PIEZO2: variants seen among roughly 807,000 people sequenced by gnomAD.
The protein encoded by PIEZO2 is piezo type mechanosensitive ion channel component 2.
Under a neutral mutation model 337.3 loss-of-function variants are expected in PIEZO2, and 172 were observed. That is an observed-to-expected ratio of 0.51 (90% CI 0.45 to 0.58). The LOEUF is 0.58. Among genes scored for constraint, PIEZO2 ranks in the 20% least tolerant of loss-of-function variants. The probability of loss-of-function intolerance (pLI) is 0.00; values close to 1 mark genes in which losing one functional copy is unlikely to be tolerated. For missense variants in PIEZO2, 3,028 were observed against 3,391.3 expected, an observed-to-expected ratio of 0.89 and a Z score of 2.66; for synonymous variants, 1,251 against 1,228.5, an observed-to-expected ratio of 1.02 and a Z score of -0.38.
rs2032650696 is a variant in PIEZO2 at position 10,940,189 on chromosome 18, A to T, written c.287-28961T>A. Among the ~76,000 whole-genome samples, 2 of 152,208 alleles carry T rather than the reference A, an allele frequency of 1.3e-5. No individual in the cohort carries two copies. The highest frequency in any genetic ancestry group is 4.8e-5 in the African/African-American group (2 of 41,456). ...ACGAATTTGTTATTTATTAAAATAA[A>T]TGTTAAAGTGAGTGTTCATTGGTGA... is the stretch of plus-strand genomic sequence containing the variant. On this transcript the variant is annotated intron_variant, in intron 3 of 55. Transcript: ENST00000674853. The surrounding 1 kb of genome is among the most constrained non-coding windows in gnomAD (Gnocchi z 5.3).
chr18:10,953,335 A>C lies in PIEZO2; in HGVS notation c.286+26200T>G, dbSNP rs1055526016. Among the ~76,000 whole-genome samples the C allele has an allele frequency of 2.6e-5, 4 of 152,186 alleles. No homozygotes were observed. The highest frequency in any genetic ancestry group is 5.9e-5 in the Non-Finnish European group (4 of 68,038). Reference sequence around the variant, plus strand: ...TTGCCCTTCCCTAACCCAAGATTACAAACATTTTCTCCTATATTTTTTGCA... The same window carrying C: ...TTGCCCTTCCCTAACCCAAGATTACCAACATTTTCTCCTATATTTTTTGCA... On this transcript the variant is annotated intron_variant, in intron 3 of 55. Coordinates refer to ENST00000674853, the MANE Select transcript of PIEZO2 (RefSeq NM_001378183.1). The surrounding 1 kb of genome is among the most constrained non-coding windows in gnomAD (Gnocchi z 5.2).
chr18:10,812,348 A>C (rs1040118824), intron 7 of PIEZO2, among the ~76,000 whole-genome samples: 1 of 152,154 alleles, frequency 6.6e-6, no homozygotes, highest in Non-Finnish European at 1.5e-5. Flanking sequence ...GACACTAAGA[A>C]GGGAATAACG....
intron 3 of PIEZO2, among the ~76,000 whole-genome samples, chr18:10,972,805 A>T (rs955328832): frequency 6.6e-6 from 1 of 152,194 alleles, no homozygotes; most frequent in Non-Finnish European, 1.5e-5. Flanking sequence ...TTGGGCAAGA[A>T]TTAGGACTTC....
Position 10,761,070 on chromosome 18 carries a change from G to A in PIEZO2, c.3291C>T (p.Thr1097=). ...GATAGTATTCCTGATGGCGGTAAAT[G>A]GTGACTTCAAAGGCCAGGATAGCCA... is the stretch of plus-strand genomic sequence containing the variant. ...LMLAILAFEV[T]IYRHQEYYRG... The change falls in exon 24 of 56, where the codon ACC becomes ACT. Residue 1097 remains threonine (T), a synonymous_variant. Transcript: ENST00000674853. 1 of 1,537,210 alleles carries A rather than the reference G, an allele frequency of 6.5e-7. No individual in the cohort carries two copies. The highest frequency in any genetic ancestry group is 8.7e-7 in the Non-Finnish European group (1 of 1,146,880).
intron 4 of PIEZO2, among the ~76,000 whole-genome samples, chr18:10,905,195 A>G (rs201192335): frequency 3.9e-5 from 6 of 152,254 alleles, no homozygotes; most frequent in African/African-American, 1.4e-4. Context: ...TTAGAAGCCC[A>G]TCTTTCACAA....
In PIEZO2 at chr18:10,767,979, AG is replaced by A. The variant is rs1370948163; in HGVS notation, c.2946+2168del. Reference sequence around the variant, plus strand: ...GGCCAAGTCACAACATCCCCATCCCAGGGGGCCTTGCCCTGAGCCTGTGAGT... The same window carrying A: ...GGCCAAGTCACAACATCCCCATCCCAGGGGCCTTGCCCTGAGCCTGTGAGT... On this transcript the variant is annotated intron_variant, in intron 21 of 55. Coordinates refer to ENST00000674853, the MANE Select transcript of PIEZO2 (RefSeq NM_001378183.1). The surrounding 1 kb of genome is among the most constrained non-coding windows in gnomAD (Gnocchi z 4.2). Among the ~76,000 whole-genome samples the A allele has an allele frequency of 1.3e-5, 2 of 152,204 alleles. No individual in the cohort carries two copies. Among genetic ancestry groups the A allele is most frequent in the South Asian group, 2.1e-4 (1 of 4,834 alleles).
At position 10,899,477 on chromosome 18, in the gene PIEZO2, T is replaced by G. The variant is rs772419595; in HGVS notation, c.329+11709A>C. Among the ~76,000 whole-genome samples, 8 of 152,206 alleles carry G rather than the reference T, an allele frequency of 5.3e-5. No individual in the cohort carries two copies. Among genetic ancestry groups the G allele is most frequent in the Non-Finnish European group, 1.2e-4 (8 of 68,030 alleles). ...AATGTCTTTGTCTCCAGTAAGGTGC[T>G]TCACTGGCTGAGCTTCCTCAGCATA... On this transcript the variant is annotated intron_variant, in intron 4 of 55. Transcript: ENST00000674853. The surrounding 1 kb of genome is among the most constrained non-coding windows in gnomAD (Gnocchi z 4.6).
intron 36 of PIEZO2, among the ~76,000 whole-genome samples, chr18:10,722,707 T>C (rs778776304): frequency 1.3e-5 from 2 of 152,278 alleles, no homozygotes; most frequent in Non-Finnish European, 2.9e-5. Context: ...AATCTCAAAT[T>C]GCACTGAAAT....
intron 2 of PIEZO2, among the ~76,000 whole-genome samples, chr18:10,996,755 C>A (rs1271282977): frequency 6.6e-6 from 1 of 152,150 alleles, no homozygotes; most frequent in Non-Finnish European, 1.5e-5. Context: ...AGTTTAGCTA[C>A]TGCTGCTGTG....
Position 10,967,435 on chromosome 18 carries a change from T to C in PIEZO2, c.286+12100A>G, listed in dbSNP as rs189303735. ...TGTGTGTGCAAGCATTTTTTTCATA[T>C]AATGACTTCTTTTCCTCTAGGTAGG... On this transcript the variant is annotated intron_variant, in intron 3 of 55. Coordinates refer to ENST00000674853, the MANE Select transcript of PIEZO2 (RefSeq NM_001378183.1). 2.6e-5 allele frequency among the ~76,000 whole-genome samples: 4 copies of C among 152,300 alleles called. No individual in the cohort carries two copies. In the East Asian group the frequency reaches 5.8e-4, roughly 22 times the overall value.
At chr18:10,802,350 G>A (rs1247544531) in intron 9 of PIEZO2, among the ~76,000 whole-genome samples, 1 of 152,042 alleles carries the variant, frequency 6.6e-6, no homozygotes, top group African/African-American at 2.4e-5. Context: ...CTTAATTTAT[G>A]TGGGTTCTAT....
rs1205427295 is a variant in PIEZO2 at position 11,003,016 on chromosome 18, C to A, written c.161-23356G>T. Among the ~76,000 whole-genome samples the A allele has an allele frequency of 6.6e-6, 1 of 152,178 alleles. No homozygotes were observed. The highest frequency in any genetic ancestry group is 6.5e-5 in the Admixed American group (1 of 15,292). On this transcript the variant is annotated intron_variant, in intron 2 of 55. Coordinates refer to ENST00000674853, the MANE Select transcript of PIEZO2 (RefSeq NM_001378183.1). This position sits in a 1 kb window ranked among gnomAD's most constrained non-coding sequence, Gnocchi z 4.6. ...TACCAGAGGCTTCCTCCTTGAATGACCAACATCCGTTGCATGAGGTCAAGG... is the reference window on the plus strand; with the variant it reads ...TACCAGAGGCTTCCTCCTTGAATGAACAACATCCGTTGCATGAGGTCAAGG...
rs368427732 is a variant in PIEZO2 at position 10,682,780 on chromosome 18, G to GT, written c.7498-489_7498-488insA. On this transcript the variant is annotated intron_variant, in intron 49 of 55. Transcript: ENST00000674853. This position sits in a 1 kb window ranked among gnomAD's most constrained non-coding sequence, Gnocchi z 5.6. The stretch of plus-strand genomic sequence containing the variant: ...TTAATTCATGACACGTGTTGTTAAA[G>GT]ACAATGTTGTTCGACACCTAAGGTA... Among the ~76,000 whole-genome samples the GT allele has an allele frequency of 8.0e-5, 5 of 62,892 alleles. No homozygotes were observed. Among genetic ancestry groups the GT allele is most frequent in the African/African-American group, 1.2e-4 (3 of 25,152 alleles). The allele number at this position is 62,892 out of a possible 152,430, so 41.3% of individuals were successfully genotyped here.
chr18:11,117,046 T>C (rs2039911404), intron 1 of PIEZO2, among the ~76,000 whole-genome samples: 1 of 151,948 alleles, frequency 6.6e-6, no homozygotes, highest in Non-Finnish European at 1.5e-5. Flanking sequence ...GAGGTGGAGG[T>C]TGCAGTGAGC....
chr18:10,805,496 A>G (rs2039973489), intron 8 of PIEZO2, among the ~76,000 whole-genome samples: 1 of 152,216 alleles, frequency 6.6e-6, no homozygotes, highest in African/African-American at 2.4e-5. Context: ...AGCCTGGGCA[A>G]CAAGAGTGAA....
In PIEZO2 at chr18:10,942,120, C is replaced by T. The variant is rs1175634072; in HGVS notation, c.287-30892G>A. 6.6e-6 allele frequency among the ~76,000 whole-genome samples: 1 copy of T among 152,204 alleles called. No homozygotes were observed. The highest frequency in any genetic ancestry group is 1.5e-5 in the Non-Finnish European group (1 of 68,032). On this transcript the variant is annotated intron_variant, in intron 3 of 55. Transcript: ENST00000674853. The surrounding 1 kb of genome is among the most constrained non-coding windows in gnomAD (Gnocchi z 4.4). The stretch of plus-strand genomic sequence containing the variant: ...AACTGTAAGTCCAATAAACCTCTTT[C>T]TTTTGTAAAATGCCTAGTCTCTGGA...
intron 1 of PIEZO2, among the ~76,000 whole-genome samples, chr18:11,087,784 T>C (rs1450874485): frequency 6.6e-6 from 1 of 152,236 alleles, no homozygotes; most frequent in Non-Finnish European, 1.5e-5. Context: ...GCTACTCCAA[T>C]GTTTGAATCA....
rs2041043451 is a variant in PIEZO2, at chr18:10,837,264, G to A, written c.917+18089C>T. Among the ~76,000 whole-genome samples the A allele has an allele frequency of 6.6e-6, 1 of 152,200 alleles. No individual in the cohort carries two copies. The highest frequency in any genetic ancestry group is 2.4e-5 in the African/African-American group (1 of 41,452). On this transcript the variant is annotated intron_variant, in intron 7 of 55. Coordinates refer to ENST00000674853, the MANE Select transcript of PIEZO2 (RefSeq NM_001378183.1). This position sits in a 1 kb window ranked among gnomAD's most constrained non-coding sequence, Gnocchi z 4.4. ...TAACTTTGTTTTTATACTTTCCTAA[G>A]TCTAGAATGAGAAGAGCCTTTAAGT... is the stretch of plus-strand genomic sequence containing the variant.
intron 7 of PIEZO2, among the ~76,000 whole-genome samples, chr18:10,842,771 CA>C (rs1304046828): frequency 2.6e-5 from 4 of 152,214 alleles, no homozygotes; most frequent in African/African-American, 9.7e-5. Flanking sequence ...CAAAACTTAT[CA>C]AATTGGACAC....
Sources: allele counts gnomAD v4.1 joint callset (sites outside exome capture counted in the v4.1 genomes callset), GRCh38; gene constraint gnomAD v4.1.1; non-coding constraint Gnocchi (gnomAD v3.1); transcripts MANE v1.5; gene names NCBI Gene and HGNC (gene_info 2026-07-23, HGNC 2026-07-21).